The following PTPDC1 variants were observed in gnomAD, a reference collection of about 807,000 sequenced individuals.
The protein encoded by PTPDC1 is protein tyrosine phosphatase domain-containing protein 1.
Under a neutral mutation model 75.3 loss-of-function variants are expected in PTPDC1, and 53 were observed. The observed-to-expected ratio is 0.70, with a 90% CI of 0.56 to 0.88. PTPDC1 has a LOEUF of 0.88. Ranked by LOEUF, PTPDC1 falls within the 40% of genes least tolerant of loss-of-function variation. The pLI is 0.00. For synonymous variants in PTPDC1, 349 were observed against 366.2 expected (o/e 0.95, Z 0.54); for missense variants, 925 against 998.6 (o/e 0.93, Z 0.99).
intron 1 of PTPDC1, among the ~76,000 whole-genome samples, chr9:94,049,347 G>A (rs1009111390): frequency 6.6e-6 from 1 of 152,172 alleles, no homozygotes; most frequent in Non-Finnish European, 1.5e-5. Flanking sequence ...TGCAGCAGCT[G>A]GTACCGGTTG....
At chr9:94,069,568 T>C (rs1263129153) in intron 2 of PTPDC1, among the ~76,000 whole-genome samples, 1 of 150,690 alleles carries the variant, frequency 6.6e-6, no homozygotes, top group Non-Finnish European at 1.5e-5. Context: ...TTTCCCAGGC[T>C]GGAGTGCAGT....
At chr9:94,101,487 T>C in intron 6 of PTPDC1, 79 bp from the exon 7 acceptor site, 2 of 1,073,762 alleles carry the variant, frequency 1.9e-6, no homozygotes, top group Non-Finnish European at 1.4e-6. Flanking sequence ...GCAAGAATCA[T>C]GCAGTGTCAA....
intron 2 of PTPDC1, among the ~76,000 whole-genome samples, chr9:94,072,418 C>T (rs1281523454): frequency 6.6e-6 from 1 of 152,136 alleles, no homozygotes; most frequent in East Asian, 1.9e-4. Flanking sequence ...ACTCACTTTC[C>T]ATTCTGGGAA....
At position 94,064,749 on chromosome 9, in the gene PTPDC1, G is replaced by T; in HGVS notation, c.10G>T (p.Gly4Ter). ...TTTCCAACAGACTACCATGGCTGCA[G>T]GAGTCTTGCCTCAGAATGAACAACC... Residue 4 changes from glycine (G) to a stop codon, truncating the protein, a stop_gained, in exon 2 of 10, where the codon GGA (glycine) becomes TGA (stop). Transcript: ENST00000375360. LOFTEE classifies it high-confidence loss of function. The T allele has an allele frequency of 6.2e-7, 1 of 1,613,192 alleles. No individual in the cohort carries two copies. The highest frequency in any genetic ancestry group is 1.7e-5 in the Admixed American group (1 of 59,956).
rs186056937 is a variant in PTPDC1 at position 94,106,292 on chromosome 9, A to G, written c.2311-1536A>G. ...CCCTGACCACTCTCTTTGAGGATCA[A>G]CTCTTCACTAATGTCTGGAGAGCTC... On this transcript the variant is annotated intron_variant, in intron 8 of 8. Coordinates refer to ENST00000620992, the MANE Select transcript of PTPDC1 (RefSeq NM_001253829.2). 1.4e-3 allele frequency among the ~76,000 whole-genome samples: 220 copies of G among 152,238 alleles called. 2 individuals are homozygous for G. The highest frequency in any genetic ancestry group is 5.1e-3 in the African/African-American group (212 of 41,548).
intron 1 of PTPDC1, among the ~76,000 whole-genome samples, chr9:94,055,427 T>C (rs1825901706): frequency 6.6e-6 from 1 of 152,234 alleles, no homozygotes; most frequent in South Asian, 2.1e-4. Flanking sequence ...CATCATTGCT[T>C]AAACTTGGAA....
At chr9:94,056,360 C>T (rs1479714507) in intron 1 of PTPDC1, among the ~76,000 whole-genome samples, 1 of 73,892 alleles carries the variant, frequency 1.4e-5, no homozygotes, top group Admixed American at 1.7e-4. Flanking sequence ...ACCTCAAATT[C>T]TTCTGCTACG....
Position 94,035,772 on chromosome 9 carries a change from A to G in PTPDC1, c.-7+4645A>G, listed in dbSNP as rs146278343. 8.4e-3 allele frequency among the ~76,000 whole-genome samples: 1,284 copies of G among 152,280 alleles called. 16 individuals carry two copies. The highest frequency in any genetic ancestry group is 0.029 in the African/African-American group (1,220 of 41,550). ...CTTTATACTGTTTTCTGTAATGGCT[A>G]TACCAATTTACATACCCACCAACAG... On this transcript the variant is annotated intron_variant, in intron 1 of 9. Coordinates refer to the PTPDC1 transcript ENST00000375360.
intron 2 of PTPDC1, among the ~76,000 whole-genome samples, chr9:94,073,601 T>C (rs1034306931): frequency 1.3e-5 from 2 of 152,180 alleles, no homozygotes; most frequent in East Asian, 1.9e-4. Context: ...TACTGACTTA[T>C]GTTCTTATTT....
chr9:94,102,665 T>C (rs1028802417), intron 7 of PTPDC1, among the ~76,000 whole-genome samples: 8 of 152,098 alleles, frequency 5.3e-5, no homozygotes, highest in African/African-American at 1.9e-4. Context: ...CTGCAACCTC[T>C]GCCCCCCGGG....
intron 1 of PTPDC1, among the ~76,000 whole-genome samples, chr9:94,058,225 C>T (rs1183932685): frequency 2.0e-5 from 3 of 152,164 alleles, no homozygotes; most frequent in African/African-American, 7.2e-5. Context: ...TGCAGAGGGC[C>T]CTCAAGGCTT....
In PTPDC1 at chr9:94,084,655, G is replaced by A. The variant is rs1334952285; in HGVS notation, c.125G>A (p.Gly42Asp). ...CTGCAGCAGGCCCGGCGGGGCTCTGGCTTGGGCTCCGGCTCTGCCACGAAG... is the reference window on the plus strand; with the variant it reads ...CTGCAGCAGGCCCGGCGGGGCTCTGACTTGGGCTCCGGCTCTGCCACGAAG... ...LRLQQARRGS[G>D]LGSGSATKLL... The change falls in exon 1 of 9, where the codon GGC (glycine) becomes GAC (aspartate). Residue 42 changes from glycine to aspartate, a missense_variant. Gly to Asp is a moderately conservative substitution (Grantham distance 94). Transcript: ENST00000620992. 1 of 1,613,452 alleles carries A rather than the reference G, an allele frequency of 6.2e-7. No homozygotes were observed. The highest frequency in any genetic ancestry group is 1.3e-5 in the African/African-American group (1 of 75,010).
chr9:94,090,478 T>G (rs1165857211), intron 4 of PTPDC1, among the ~76,000 whole-genome samples: 1 of 142,518 alleles, frequency 7.0e-6, no homozygotes, highest in Non-Finnish European at 1.5e-5. Flanking sequence ...TTTTGGTTAC[T>G]GTAGCCTTGT....
In PTPDC1 at chr9:94,098,631, G is replaced by GGAAAA. The variant is rs1178424134; in HGVS notation, c.2013+53_2013+54insAAAAG. 8 of 1,415,788 alleles carry GGAAAA rather than the reference G, an allele frequency of 5.7e-6. No homozygotes were observed. In the African/African-American group the frequency reaches 9.9e-5, roughly 18 times the overall value. The allele number at this position is 1,415,788 out of a possible 1,614,324, so 87.7% of individuals were successfully genotyped here. A position where few individuals can be genotyped will look rare whatever the true frequency, so the allele number is the denominator to read the frequency against. On this transcript the variant is annotated intron_variant, in intron 6 of 8. Coordinates refer to ENST00000620992, the MANE Select transcript of PTPDC1 (RefSeq NM_001253829.2). ...AGATATGTGGGAAATATTTATGTCA[G>GGAAAA]GGCAAAAGTGTGATACATTTTCCCA...
chr9:94,055,849 A>C (rs1825916521), intron 1 of PTPDC1, among the ~76,000 whole-genome samples: 1 of 152,230 alleles, frequency 6.6e-6, no homozygotes, highest in African/African-American at 2.4e-5. Context: ...ATCACTCTGC[A>C]TGATACTATA....
At chr9:94,038,696 A>C (rs557146918) in intron 1 of PTPDC1, among the ~76,000 whole-genome samples, 1 of 152,328 alleles carries the variant, frequency 6.6e-6, no homozygotes, top group African/African-American at 2.4e-5. Flanking sequence ...AGTTATGTGA[A>C]TATATTTAAA....
At chr9:94,065,530 G>A (rs1334725278) in intron 2 of PTPDC1, among the ~76,000 whole-genome samples, 1 of 152,264 alleles carries the variant, frequency 6.6e-6, no homozygotes, top group Non-Finnish European at 1.5e-5. Flanking sequence ...ATAGGAAGAA[G>A]AGTAAAGGAG....
At chr9:94,054,549 G>T (rs1051866688) in intron 1 of PTPDC1, among the ~76,000 whole-genome samples, 3 of 152,156 alleles carry the variant, frequency 2.0e-5, no homozygotes, top group Admixed American at 6.5e-5. Flanking sequence ...GCTAAAATGT[G>T]TAAAGGGGCC....
At chr9:94,064,653 C>A in intron 1 of PTPDC1, 1 of 939,694 alleles carries the variant, frequency 1.1e-6, no homozygotes, top group Non-Finnish European at 1.6e-6. Flanking sequence ...CATTGGATAA[C>A]AAAGGTCTAG....
Sources: gnomAD v4.1 joint callset for allele counts (sites outside exome capture counted in the v4.1 genomes callset) on GRCh38, gnomAD v4.1.1 for gene constraint, MANE v1.5 for transcripts, NCBI Gene and HGNC (gene_info 2026-07-23, HGNC 2026-07-21) for gene names.